The following ROBO2 variants were observed in gnomAD, a reference collection of about 807,000 sequenced individuals.
ROBO2 encodes roundabout homolog 2.
A neutral mutation model predicts 160.8 loss-of-function variants in ROBO2; 53 were observed. That is an observed-to-expected ratio of 0.33 (90% CI 0.26 to 0.41). The LOEUF (loss-of-function observed/expected upper bound fraction) is 0.41, where lower values mean the gene tolerates loss of function less well. Among genes scored for constraint, ROBO2 ranks in the 10% least tolerant of loss-of-function variants. The probability of loss-of-function intolerance (pLI) is 1.00; values close to 1 mark genes in which losing one functional copy is unlikely to be tolerated. For synonymous variants in ROBO2, 664 were observed against 611.7 expected, an observed-to-expected ratio of 1.09 and a Z score of -1.26; for missense variants, 1,577 against 1,722.4, an observed-to-expected ratio of 0.92 and a Z score of 1.49.
At chr3:76,632,891 A>G (rs1366354893) in intron 2 of ROBO2, among the ~76,000 whole-genome samples, 1 of 152,210 alleles carries the variant, frequency 6.6e-6, no homozygotes, top group Non-Finnish European at 1.5e-5. Context: ...TAACAATACA[A>G]TGAAAAATGT....
intron 2 of ROBO2, among the ~76,000 whole-genome samples, chr3:76,739,214 A>G (rs1032357678): frequency 5.3e-5 from 8 of 152,148 alleles, no homozygotes; most frequent in African/African-American, 1.9e-4. Flanking sequence ...ACGATAGCAA[A>G]GACTTGGAAC....
At chr3:77,442,314 A>T (rs75040491) in intron 2 of ROBO2, among the ~76,000 whole-genome samples, 21,911 of 151,730 alleles carry the variant, frequency 0.14, 1,972 homozygotes, top group African/African-American at 0.25. Flanking sequence ...TCCGGCTCAA[A>T]AAAGAAAAAA....
chr3:76,401,384 T>C (rs1179106374), intron 2 of ROBO2, among the ~76,000 whole-genome samples: 1 of 151,536 alleles, frequency 6.6e-6, no homozygotes, highest in Non-Finnish European at 1.5e-5. Flanking sequence ...GTTTAAATCA[T>C]TTTCCTTACT....
At chr3:77,416,101 A>G (rs2077194160) in intron 2 of ROBO2, among the ~76,000 whole-genome samples, 1 of 152,164 alleles carries the variant, frequency 6.6e-6, no homozygotes, top group East Asian at 1.9e-4. Context: ...GGCAGGGAAG[A>G]ATTTTATTGA....
chr3:77,581,296 T>C (rs1323589690), intron 16 of ROBO2, among the ~76,000 whole-genome samples: 2 of 152,128 alleles, frequency 1.3e-5, no homozygotes, highest in African/African-American at 4.8e-5. Context: ...AATAGTGTCA[T>C]TTGATGAACA....
At chr3:76,098,324 A>G (rs942410936) in intron 2 of ROBO2, among the ~76,000 whole-genome samples, 3 of 152,170 alleles carry the variant, frequency 2.0e-5, no homozygotes, top group Non-Finnish European at 2.9e-5. Flanking sequence ...TAAATTTTCA[A>G]AAATACAAAT....
chr3:77,354,516 C>A (rs1006004845), intron 2 of ROBO2, among the ~76,000 whole-genome samples: 1 of 152,162 alleles, frequency 6.6e-6, no homozygotes, highest in Admixed American at 6.6e-5. Flanking sequence ...GAGACCAAGG[C>A]ACCTCTGGGA....
At chr3:77,293,660 A>G (rs566686829) in intron 2 of ROBO2, among the ~76,000 whole-genome samples, 1 of 138,642 alleles carries the variant, frequency 7.2e-6, no homozygotes, top group African/African-American at 2.9e-5. Flanking sequence ...TCACCCAGAC[A>G]TAAAGTAAAA....
Position 77,257,840 on chromosome 3 carries a change from A to G in ROBO2, c.388+159500A>G, listed in dbSNP as rs1017356217. Among the ~76,000 whole-genome samples, 7 of 152,358 alleles carry G rather than the reference A, an allele frequency of 4.6e-5. No individual in the cohort carries two copies. In the East Asian group the frequency reaches 1.4e-3, roughly 29 times the overall value. ...TATTATGGGTTAAATTCAGCAATAC[A>G]TACTGAGAAAAAATAATGTGTAATA... On this transcript the variant is annotated intron_variant, in intron 2 of 25. Transcript: ENST00000461745.
chr3:76,076,471 T>C (rs2068649216), intron 2 of ROBO2, among the ~76,000 whole-genome samples: 1 of 152,224 alleles, frequency 6.6e-6, no homozygotes, highest in Admixed American at 6.5e-5. Context: ...GGACATTTTA[T>C]ACTATAGACA....
intron 2 of ROBO2, among the ~76,000 whole-genome samples, chr3:76,958,585 T>A (rs2079443525): frequency 6.6e-6 from 1 of 152,208 alleles, no homozygotes; most frequent in Non-Finnish European, 1.5e-5. Flanking sequence ...ATGGACATAT[T>A]TTACTACAAC....
At chr3:77,246,006 T>C (rs2089677924) in intron 2 of ROBO2, among the ~76,000 whole-genome samples, 1 of 152,194 alleles carries the variant, frequency 6.6e-6, no homozygotes, top group Non-Finnish European at 1.5e-5. Context: ...AAGTCCTGTG[T>C]TTTTTAGTAG....
At chr3:76,659,278 G>C (rs960958828) in intron 2 of ROBO2, among the ~76,000 whole-genome samples, 11 of 149,328 alleles carry the variant, frequency 7.4e-5, no homozygotes, top group African/African-American at 2.4e-4. Flanking sequence ...TATTTCCAGG[G>C]GTTGGGGGAA....
intron 2 of ROBO2, among the ~76,000 whole-genome samples, chr3:77,457,031 A>T (rs975105538): frequency 3.3e-5 from 5 of 152,188 alleles, no homozygotes; most frequent in Non-Finnish European, 7.3e-5. Context: ...CACTGAATAG[A>T]GATTACAGTC....
intron 2 of ROBO2, among the ~76,000 whole-genome samples, chr3:76,468,578 C>A (rs2078481571): frequency 6.6e-6 from 1 of 151,974 alleles, no homozygotes; most frequent in South Asian, 2.1e-4. Flanking sequence ...TATAATGTGG[C>A]CTTTGTCCTT....
chr3:76,125,291 A>G (rs2070926944), intron 2 of ROBO2, among the ~76,000 whole-genome samples: 1 of 152,114 alleles, frequency 6.6e-6, no homozygotes, highest in Non-Finnish European at 1.5e-5. Context: ...TATTGTGGGT[A>G]GCACAACAGT....
At chr3:77,606,400 G>C (rs1693007270) in intron 20 of ROBO2, among the ~76,000 whole-genome samples, 1 of 152,120 alleles carries the variant, frequency 6.6e-6, no homozygotes, top group Non-Finnish European at 1.5e-5. Flanking sequence ...GTGGGAAACT[G>C]GTCTGTAAAC....
At chr3:77,322,560 C>G (rs1285401466) in intron 2 of ROBO2, among the ~76,000 whole-genome samples, 1 of 151,526 alleles carries the variant, frequency 6.6e-6, no homozygotes, top group African/African-American at 2.4e-5. Context: ...AAATTGATGA[C>G]TAAGACCTAG....
intron 2 of ROBO2, chr3:76,434,167 A>G: frequency 8.6e-7 from 1 of 1,156,198 alleles, no homozygotes; most frequent in Non-Finnish European, 1.3e-6. Flanking sequence ...CCTGTGGCAG[A>G]GTATTTGAAG....
Sources: allele counts gnomAD v4.1 joint callset (sites outside exome capture counted in the v4.1 genomes callset), GRCh38; gene constraint gnomAD v4.1.1; transcripts MANE v1.5; gene names NCBI Gene and HGNC (gene_info 2026-07-23, HGNC 2026-07-21).